ZNF385B: variants seen among roughly 807,000 people sequenced by gnomAD.
ZNF385B encodes zinc finger protein 533.
Under a neutral mutation model 39.2 loss-of-function variants are expected in ZNF385B, and 23 were observed. That is an observed-to-expected ratio of 0.59 (90% CI 0.42 to 0.83). The LOEUF (loss-of-function observed/expected upper bound fraction) is 0.83. Among genes scored for constraint, ZNF385B ranks in the 40% least tolerant of loss-of-function variants. The probability of loss-of-function intolerance (pLI) is 0.00; values close to 1 mark genes in which losing one functional copy is unlikely to be tolerated. For missense variants in ZNF385B, 552 were observed against 598.9 expected (o/e 0.92, Z 0.82); for synonymous variants, 205 against 222.6 (o/e 0.92, Z 0.70).
At chr2:179,617,780 T>C (rs1353386289) in intron 3 of ZNF385B, among the ~76,000 whole-genome samples, 1 of 152,154 alleles carries the variant, frequency 6.6e-6, no homozygotes, top group African/African-American at 2.4e-5. Context: ...TGCATACTGG[T>C]GGGGGTTGGG....
At chr2:179,824,718 A>T (rs1394156910) in intron 1 of ZNF385B, among the ~76,000 whole-genome samples, 1 of 151,990 alleles carries the variant, frequency 6.6e-6, no homozygotes, top group Non-Finnish European at 1.5e-5. Context: ...CACATATGGA[A>T]GGGCATATGG....
chr2:179,833,638 T>A (rs534481673), intron 1 of ZNF385B, among the ~76,000 whole-genome samples: 36 of 152,298 alleles, frequency 2.4e-4, no homozygotes, highest in African/African-American at 8.4e-4. Flanking sequence ...CTAATTTTTT[T>A]AAAACACCTG....
intron 3 of ZNF385B, among the ~76,000 whole-genome samples, chr2:179,744,318 T>C (rs1447176305): frequency 8.8e-6 from 1 of 113,234 alleles, no homozygotes; most frequent in Non-Finnish European, 2.0e-5. Flanking sequence ...CTCCATTTTT[T>C]TTTTTTTTTA....
chr2:179,564,904 T>C (rs982488744), intron 3 of ZNF385B, among the ~76,000 whole-genome samples: 1 of 152,164 alleles, frequency 6.6e-6, no homozygotes, highest in African/African-American at 2.4e-5. Context: ...TAAAGGATAT[T>C]TCTTCTCTGC....
At chr2:179,456,408 T>C (rs1223591281) in intron 6 of ZNF385B, among the ~76,000 whole-genome samples, 2 of 152,186 alleles carry the variant, frequency 1.3e-5, no homozygotes, top group African/African-American at 4.8e-5. Context: ...TATCTCATTG[T>C]TAATTTGATT....
At chr2:179,757,376 G>T (rs981535530) in intron 3 of ZNF385B, among the ~76,000 whole-genome samples, 11 of 152,194 alleles carry the variant, frequency 7.2e-5, no homozygotes, top group African/African-American at 1.9e-4. Flanking sequence ...TGCCCCTACT[G>T]GGGGGTGCCT....
rs550403777 is a variant in ZNF385B at position 179,680,396 on chromosome 2, A to AT, written c.298+89106dup. 2.1e-3 allele frequency among the ~76,000 whole-genome samples: 322 copies of AT among 152,312 alleles called. 1 individual carries two copies. The highest frequency in any genetic ancestry group is 7.3e-3 in the African/African-American group (302 of 41,594). On this transcript the variant is annotated intron_variant, in intron 3 of 9. Transcript: ENST00000410066. ...TGATTTTTAAAATACATATTGTATA[A>AT]TTCCATTTATATAAAAGTCAAGAAA... is the stretch of plus-strand genomic sequence containing the variant.
At chr2:179,726,970 C>T (rs993213528) in intron 3 of ZNF385B, among the ~76,000 whole-genome samples, 6 of 151,904 alleles carry the variant, frequency 3.9e-5, no homozygotes, top group Non-Finnish European at 5.9e-5. Flanking sequence ...TACTTTAACC[C>T]GAGTACTTTA....
At chr2:179,680,203 A>G (rs962246693) in intron 3 of ZNF385B, among the ~76,000 whole-genome samples, 1 of 152,196 alleles carries the variant, frequency 6.6e-6, no homozygotes, top group Admixed American at 6.5e-5. Context: ...CATTTTAAAA[A>G]GTGAAACTTC....
At chr2:179,854,802 C>A (rs1391446497) in intron 1 of ZNF385B, among the ~76,000 whole-genome samples, 1 of 152,172 alleles carries the variant, frequency 6.6e-6, no homozygotes. Flanking sequence ...TTTAAAATTT[C>A]ATTATGTCTT....
intron 6 of ZNF385B, among the ~76,000 whole-genome samples, chr2:179,481,794 GA>G (rs2054026500): frequency 6.6e-6 from 1 of 152,182 alleles, no homozygotes; most frequent in South Asian, 2.1e-4. Flanking sequence ...AACCAGGCAA[GA>G]AGTCAGCAGG....
At chr2:179,612,804 A>G (rs1055459056) in intron 3 of ZNF385B, among the ~76,000 whole-genome samples, 8 of 152,160 alleles carry the variant, frequency 5.3e-5, no homozygotes, top group Non-Finnish European at 1.0e-4. Context: ...AGCCAGGCTT[A>G]TGTCCTTCCC....
chr2:179,791,917 C>T (rs1298244306), intron 1 of ZNF385B, among the ~76,000 whole-genome samples: 1 of 152,092 alleles, frequency 6.6e-6, no homozygotes, highest in Non-Finnish European at 1.5e-5. Context: ...GCCACCATGC[C>T]CAGCTAATTG....
intron 3 of ZNF385B, among the ~76,000 whole-genome samples, chr2:179,726,482 G>A (rs1293944504): frequency 2.6e-5 from 4 of 152,014 alleles, no homozygotes; most frequent in Admixed American, 2.0e-4. Flanking sequence ...ATTAGGATAT[G>A]GGAGTATTAG....
intron 1 of ZNF385B, among the ~76,000 whole-genome samples, chr2:179,789,924 G>C (rs2106537346): frequency 6.6e-6 from 1 of 152,222 alleles, no homozygotes; most frequent in South Asian, 2.1e-4. Flanking sequence ...GTTATGATTT[G>C]AGGAGCATAA....
chr2:179,444,317 T>C (rs1217072141), intron 9 of ZNF385B, among the ~76,000 whole-genome samples: 1 of 152,190 alleles, frequency 6.6e-6, no homozygotes, highest in Non-Finnish European at 1.5e-5. Context: ...TCTTGGTATT[T>C]ATATGACACT....
At chr2:179,484,755 C>T (rs2054383281) in intron 5 of ZNF385B, among the ~76,000 whole-genome samples, 2 of 151,986 alleles carry the variant, frequency 1.3e-5, no homozygotes, top group Admixed American at 1.3e-4. Context: ...ATGGGAGATA[C>T]AGGACAACAA....
rs115515738 is a variant in ZNF385B at position 179,710,210 on chromosome 2, C to A, written c.298+59293G>T. Among the ~76,000 whole-genome samples, 216 of 152,246 alleles carry A rather than the reference C, an allele frequency of 1.4e-3. 1 individual carries two copies. Among genetic ancestry groups the A allele is most frequent in the African/African-American group, 4.9e-3 (204 of 41,552 alleles). ...ATGTCTCATCACCCCAGCGCTTACA[C>A]TCTCCTGACACAAGGACTAGATGCC... On this transcript the variant is annotated intron_variant, in intron 3 of 9. Transcript: ENST00000410066.
At position 179,781,802 on chromosome 2, in the gene ZNF385B, T is replaced by C. The variant is rs998879931; in HGVS notation, c.-154-11130A>G. ...GATATTGATTCCATGAACAAACCAA[T>C]AACAAACTCTGAAATTGAATCAGTT... is the stretch of plus-strand genomic sequence containing the variant. On this transcript the variant is annotated intron_variant, in intron 1 of 9. Transcript: ENST00000410066. Among the ~76,000 whole-genome samples, 8 of 152,132 alleles carry C rather than the reference T, an allele frequency of 5.3e-5. No individual in the cohort carries two copies. In the East Asian group the frequency reaches 1.4e-3, roughly 26 times the overall value.
Sources: allele counts gnomAD v4.1 joint callset (sites outside exome capture counted in the v4.1 genomes callset), GRCh38; gene constraint gnomAD v4.1.1; transcripts MANE v1.5; gene names NCBI Gene and HGNC (gene_info 2026-07-23, HGNC 2026-07-21).